MIOS: variants seen among roughly 807,000 people sequenced by gnomAD.
MIOS encodes the protein GATOR2 complex protein MIOS.
Under a neutral mutation model 96.9 loss-of-function variants are expected in MIOS, and 52 were observed. The ratio of observed to expected loss-of-function variants is 0.54; its 90% CI spans 0.43 to 0.68. The LOEUF (loss-of-function observed/expected upper bound fraction) is 0.68, where lower values mean the gene tolerates loss of function less well. MIOS is among the 30% of genes least tolerant of loss of function. The pLI, the probability that MIOS is intolerant of heterozygous loss-of-function variation, is 0.00. For synonymous variants in MIOS, 397 were observed against 359.5 expected (o/e 1.10, Z -1.18); for missense variants, 1,005 against 1,052.8 (o/e 0.95, Z 0.63).
chr7:7,601,705 C>G (rs1784383421), intron 11 of MIOS, among the ~76,000 whole-genome samples: 1 of 152,130 alleles, frequency 6.6e-6, no homozygotes, highest in South Asian at 2.1e-4. Context: ...AGAGGGAATC[C>G]TCCCCAACTC....
rs1003267357 is a variant in MIOS, at chr7:7,589,338, G to T, written c.1885-67G>T. ...CATTAGGAATGAAATTGTTCAAAAT[G>T]TAGTTTTGAAGTACAAAATACATAG... On this transcript the variant is annotated intron_variant, in intron 8 of 12. Transcript: ENST00000340080. 3.6e-5 allele frequency: 49 copies of T among 1,357,398 alleles called. No individual in the cohort carries two copies. The East Asian group carries it at 8.6e-4, about 24-fold the overall frequency. The allele number at this position is 1,357,398 out of a possible 1,614,324, so 84.1% of individuals were successfully genotyped here. A position where few individuals can be genotyped will look rare whatever the true frequency, so the allele number is the denominator to read the frequency against.
rs936362242 is a variant in MIOS, at chr7:7,583,330, C to T, written c.1606C>T (p.Arg536Ter). The T allele has an allele frequency of 3.7e-6, 6 of 1,613,250 alleles. No homozygotes were observed. Among genetic ancestry groups the T allele is most frequent in the East Asian group, 2.2e-5 (1 of 44,842 alleles). Residue 536 changes from arginine to a stop codon, truncating the protein, a stop_gained, in exon 6 of 13, where the codon CGA becomes TGA. Coordinates refer to ENST00000340080, the MANE Select transcript of MIOS (RefSeq NM_019005.4). LOFTEE classifies it high-confidence loss of function. ...GGCATTGTTCAACTTGGATATTCGC[C>T]GAGCAATCCAAATCCTGAATGAAGG... ...AVALFNLDIR[R>*]AIQILNEGAS...
intron 11 of MIOS, among the ~76,000 whole-genome samples, chr7:7,604,897 TTTTA>T (rs1784482864): frequency 6.9e-6 from 1 of 145,432 alleles, no homozygotes; most frequent in Non-Finnish European, 1.5e-5. Context: ...CAGATCTATA[TTTTA>T]TTTATCTCTT....
Position 7,572,902 on chromosome 7 carries a change from C to T in MIOS, c.427C>T (p.Leu143=). The T allele has an allele frequency of 6.2e-7, 1 of 1,614,152 alleles. No individual in the cohort carries two copies. The highest frequency in any genetic ancestry group is 8.5e-7 in the Non-Finnish European group (1 of 1,180,004). ...LDKHRADFSV[L]IWDICSKYTP... is the part of the protein sequence containing the mutation. ...TAAGCACAGAGCTGACTTTTCAGTGCTAATATGGGATATCTGCAGCAAATA... is the reference window on the plus strand; with the variant it reads ...TAAGCACAGAGCTGACTTTTCAGTGTTAATATGGGATATCTGCAGCAAATA... Residue 143 remains leucine (L), a synonymous_variant, in exon 4 of 13, where the codon CTA becomes TTA. Coordinates refer to ENST00000340080, the MANE Select transcript of MIOS (RefSeq NM_019005.4). The surrounding 1 kb of genome is among the most constrained non-coding windows in gnomAD (Gnocchi z 4.8).
At chr7:7,578,479 G>C (rs913261439) in intron 5 of MIOS, among the ~76,000 whole-genome samples, 1 of 152,136 alleles carries the variant, frequency 6.6e-6, no homozygotes, top group Non-Finnish European at 1.5e-5. Context: ...GGGTTACATA[G>C]AGACCCTGTC....
At chr7:7,605,901 A>T (rs776611394) in intron 11 of MIOS, 41 bp from the exon 12 acceptor site, 1 of 1,543,348 alleles carries the variant, frequency 6.5e-7, no homozygotes, top group Admixed American at 1.8e-5. Flanking sequence ...TAAATAAAAT[A>T]TTATGATATA....
chr7:7,580,247 C>T (rs947154357), intron 5 of MIOS, among the ~76,000 whole-genome samples: 3 of 152,236 alleles, frequency 2.0e-5, no homozygotes, highest in East Asian at 1.9e-4. Context: ...TATCATTAAT[C>T]GTTAAAAGTT....
In MIOS at chr7:7,585,659, G is replaced by T; in HGVS notation, c.1672G>T (p.Ala558Ser). 1 of 1,590,326 alleles carries T rather than the reference G, an allele frequency of 6.3e-7. No homozygotes were observed. Among genetic ancestry groups the T allele is most frequent in the Non-Finnish European group, 8.5e-7 (1 of 1,169,698 alleles). Residue 558 changes from alanine to serine, a missense_variant, in exon 7 of 13, where the codon GCA becomes TCA. Ala to Ser is a moderately conservative substitution (Grantham distance 99, BLOSUM62 1). Coordinates refer to ENST00000340080, the MANE Select transcript of MIOS (RefSeq NM_019005.4). ...AGGAGATCTGAATCTCAATGTGGTAGCAATGGCTTTATCGGGTTATACGGA... is the reference window on the plus strand; with the variant it reads ...AGGAGATCTGAATCTCAATGTGGTATCAATGGCTTTATCGGGTTATACGGA... The part of the protein sequence containing the change: ...EKGDLNLNVV[A>S]MALSGYTDEK...
Position 7,583,310 on chromosome 7 carries a change from T to C in MIOS, c.1586T>C (p.Leu529Ser). Residue 529 changes from leucine to serine, a missense_variant, in exon 6 of 13, where the codon TTG becomes TCG. Leu to Ser is a moderately radical substitution (Grantham distance 145). Coordinates refer to ENST00000340080, the MANE Select transcript of MIOS (RefSeq NM_019005.4). The part of the protein sequence containing the change: ...GEWERAAAVA[L>S]FNLDIRRAIQ... The stretch of plus-strand genomic sequence containing the variant: ...TGGGAAAGAGCTGCTGCTGTGGCAT[T>C]GTTCAACTTGGATATTCGCCGAGCA... 1.2e-6 allele frequency: 2 copies of C among 1,614,002 alleles called. No homozygotes were observed. The highest frequency in any genetic ancestry group is 2.2e-5 in the East Asian group (1 of 44,856).
chr7:7,603,404 T>C (rs563212113), intron 11 of MIOS, among the ~76,000 whole-genome samples: 2 of 152,234 alleles, frequency 1.3e-5, no homozygotes, highest in East Asian at 1.9e-4. Flanking sequence ...GGGCAAAGGA[T>C]ATGAACAGAC....
rs768657754 is a variant in MIOS, at chr7:7,583,327, C to T, written c.1603C>T (p.Arg535Cys). 5.0e-6 allele frequency: 8 copies of T among 1,613,432 alleles called. No homozygotes were observed. The highest frequency in any genetic ancestry group is 4.5e-5 in the East Asian group (2 of 44,868). The change falls in exon 6 of 13, where the codon CGC becomes TGC. Residue 535 changes from arginine (R) to cysteine (C), a missense_variant. Arg to Cys is a radical substitution (Grantham distance 180, BLOSUM62 -3). Transcript: ENST00000340080. ...TGTGGCATTGTTCAACTTGGATATT[C>T]GCCGAGCAATCCAAATCCTGAATGA... ...AAVALFNLDI[R>C]RAIQILNEGA...
intron 11 of MIOS, among the ~76,000 whole-genome samples, chr7:7,604,512 A>G (rs545721878): frequency 1.8e-4 from 27 of 152,148 alleles, no homozygotes; most frequent in Non-Finnish European, 3.1e-4. Context: ...TAAAGAAGAC[A>G]AAAATCGCTG....
At chr7:7,569,724 C>T (rs1337335036) in intron 3 of MIOS, among the ~76,000 whole-genome samples, 1 of 152,210 alleles carries the variant, frequency 6.6e-6, no homozygotes, top group Non-Finnish European at 1.5e-5. Flanking sequence ...TGTTTAATGA[C>T]AGTGTATGTC....
rs1784572487 is a variant in MIOS at position 7,607,830 on chromosome 7, T to C, written c.*738T>C. On this transcript the variant is annotated 3_prime_UTR_variant, in exon 13 of 13. Transcript: ENST00000340080. ...AAACATGTACCATTTCAGGTGAACA[T>C]ACAAAATTTTCACTTTCTACCTTTT... The C allele has an allele frequency of 6.6e-6, 1 of 152,120 alleles. No homozygotes were observed. The highest frequency in any genetic ancestry group is 2.1e-4 in the South Asian group (1 of 4,832). 9.4% of individuals were successfully genotyped at this position (152,120 alleles called of 1,614,324 possible).
intron 11 of MIOS, among the ~76,000 whole-genome samples, chr7:7,601,537 C>G (rs1426842285): frequency 6.6e-6 from 1 of 152,124 alleles, no homozygotes; most frequent in African/African-American, 2.4e-5. Flanking sequence ...AGTTGAATCT[C>G]TGAATAGACC....
At chr7:7,593,727 C>T (rs1784114461) in intron 9 of MIOS, among the ~76,000 whole-genome samples, 1 of 151,272 alleles carries the variant, frequency 6.6e-6, no homozygotes, top group South Asian at 2.1e-4. Flanking sequence ...AACCCCATCT[C>T]TACTAAAAAT....
In MIOS at chr7:7,589,573, G is replaced by C; in HGVS notation, c.2043+10G>C. ...TTACTGTATGTTACAGGTCAGTGCA[G>C]TTTGACAGCAGCTTTTAAAAAAGTA... On this transcript the variant is annotated intron_variant, in intron 9 of 12. Transcript: ENST00000340080. 1 of 1,565,696 alleles carries C rather than the reference G, an allele frequency of 6.4e-7. No homozygotes were observed. Among genetic ancestry groups the C allele is most frequent in the South Asian group, 1.2e-5 (1 of 82,324 alleles).
At chr7:7,570,501 A>C (rs1273111966) in intron 3 of MIOS, among the ~76,000 whole-genome samples, 1 of 152,100 alleles carries the variant, frequency 6.6e-6, no homozygotes, top group Non-Finnish European at 1.5e-5. Flanking sequence ...AGGATGATTC[A>C]AGCGCATTAC....
In MIOS at chr7:7,572,400, G is replaced by C; in HGVS notation, c.-40-36G>C. ...TTCAACGTAAGAATTATATTTTGCT[G>C]ATATTTTAAAACTTTTTATTTTTAA... On this transcript the variant is annotated intron_variant, in intron 3 of 12. Transcript: ENST00000340080. This position sits in a 1 kb window ranked among gnomAD's most constrained non-coding sequence, Gnocchi z 4.8. The C allele has an allele frequency of 9.0e-7, 1 of 1,109,484 alleles. No individual in the cohort carries two copies. The highest frequency in any genetic ancestry group is 2.1e-4 in the Middle Eastern group (1 of 4,840). The allele number at this position is 1,109,484 out of a possible 1,614,324, so 68.7% of individuals were successfully genotyped here. A position where few individuals can be genotyped will look rare whatever the true frequency, so the allele number is the denominator to read the frequency against.
Sources: allele counts gnomAD v4.1 joint callset (sites outside exome capture counted in the v4.1 genomes callset), GRCh38; gene constraint gnomAD v4.1.1; non-coding constraint Gnocchi (gnomAD v3.1); transcripts MANE v1.5; gene names NCBI Gene and HGNC (gene_info 2026-07-23, HGNC 2026-07-21).